RBFOX1: variants seen among roughly 807,000 people sequenced by gnomAD.
RBFOX1 encodes the protein RNA binding fox-1 homolog 1.
Under a neutral mutation model 57.7 loss-of-function variants are expected in RBFOX1, and 8 were observed. The ratio of observed to expected loss-of-function variants is 0.14; its 90% confidence interval spans 0.08 to 0.25. The LOEUF (loss-of-function observed/expected upper bound fraction) is 0.25. Ranked by LOEUF, RBFOX1 falls within the 10% of genes least tolerant of loss-of-function variation. RBFOX1 has a pLI of 1.00. For missense variants in RBFOX1, 611 were observed against 548.5 expected (o/e 1.11, Z -1.14); for synonymous variants, 326 against 222.4 (o/e 1.47, Z -4.15).
chr16:5,465,739 C>A (rs1341468974), intron 1 of RBFOX1, among the ~76,000 whole-genome samples: 1 of 152,188 alleles, frequency 6.6e-6, no homozygotes, highest in Non-Finnish European at 1.5e-5. Context: ...GGATGTTTTT[C>A]CATGGACCAG....
intron 1 of RBFOX1, among the ~76,000 whole-genome samples, chr16:6,291,484 C>G (rs564296540): frequency 1.3e-5 from 2 of 152,288 alleles, no homozygotes; most frequent in Non-Finnish European, 2.9e-5. Context: ...CTTGGGACCT[C>G]AAACTCACTA....
intron 2 of RBFOX1, among the ~76,000 whole-genome samples, chr16:6,506,533 C>G (rs2096095039): frequency 6.7e-6 from 1 of 150,184 alleles, no homozygotes; most frequent in African/African-American, 2.5e-5. Context: ...CATTTATAAA[C>G]TTGGGACATC....
In RBFOX1 at chr16:5,946,518, G is replaced by T. The variant is rs954013043; in HGVS notation, c.351+79183G>T. On this transcript the variant is annotated intron_variant, in intron 4 of 19. Transcript: ENST00000641259. This position sits in a 1 kb window ranked among gnomAD's most constrained non-coding sequence, Gnocchi z 4.6. The stretch of plus-strand genomic sequence containing the variant: ...TGGGGTGCCTGGAGAGGACATGGAA[G>T]TTCTACGCCCTTCCCCGTATCTCAC... Among the ~76,000 whole-genome samples, 2 of 151,978 alleles carry T rather than the reference G, an allele frequency of 1.3e-5. No homozygotes were observed. Among genetic ancestry groups the T allele is most frequent in the African/African-American group, 4.8e-5 (2 of 41,414 alleles).
chr16:6,895,063 C>A (rs1425149839), intron 3 of RBFOX1, among the ~76,000 whole-genome samples: 1 of 152,112 alleles, frequency 6.6e-6, no homozygotes, highest in African/African-American at 2.4e-5. Flanking sequence ...TAGATAAATA[C>A]ATCTTTAATA....
chr16:5,964,363 G>C (rs2059805091), intron 4 of RBFOX1, among the ~76,000 whole-genome samples: 1 of 152,044 alleles, frequency 6.6e-6, no homozygotes, highest in Non-Finnish European at 1.5e-5. Context: ...TAAAACTAGA[G>C]CTACCATATG....
At chr16:7,620,117 T>G (rs1350899934) in intron 10 of RBFOX1, among the ~76,000 whole-genome samples, 1 of 152,218 alleles carries the variant, frequency 6.6e-6, no homozygotes, top group African/African-American at 2.4e-5. Flanking sequence ...GCTATTTCCT[T>G]TCTGAAAACC....
intron 3 of RBFOX1, among the ~76,000 whole-genome samples, chr16:6,990,705 G>C (rs2091281595): frequency 6.6e-6 from 1 of 152,094 alleles, no homozygotes; most frequent in South Asian, 2.1e-4. Flanking sequence ...TAATAGTTGT[G>C]AATGTGAGCT....
intron 5 of RBFOX1, among the ~76,000 whole-genome samples, chr16:7,567,150 C>CCTATATATATATAT (rs2091893391): frequency 2.4e-5 from 1 of 40,988 alleles, no homozygotes; most frequent in African/African-American, 5.2e-5. Flanking sequence ...CATATATATC[C>CCTATATATATATAT]CTATATATAT....
chr16:7,353,077 C>G (rs1409441735), intron 4 of RBFOX1, among the ~76,000 whole-genome samples: 1 of 152,098 alleles, frequency 6.6e-6, no homozygotes, highest in African/African-American at 2.4e-5. Context: ...TAGTGGAACC[C>G]TAAAGCCATA....
At chr16:7,710,254 G>A (rs990850500) in intron 15 of RBFOX1, 6 of 1,080,750 alleles carry the variant, frequency 5.6e-6, no homozygotes, top group Non-Finnish European at 5.6e-6. Flanking sequence ...TAGTCCACAT[G>A]AGGAATGTGT....
At chr16:5,833,023 G>A (rs1003484493) in intron 3 of RBFOX1, among the ~76,000 whole-genome samples, 5 of 152,144 alleles carry the variant, frequency 3.3e-5, no homozygotes, top group African/African-American at 7.2e-5. Context: ...CCCCCAAAAT[G>A]CATAGGCACA....
At chr16:7,581,813 G>T (rs916194743) in intron 6 of RBFOX1, among the ~76,000 whole-genome samples, 1 of 151,928 alleles carries the variant, frequency 6.6e-6, no homozygotes, top group Admixed American at 6.6e-5. Context: ...TGGGCTCAAG[G>T]GATCCTCCCA....
intron 3 of RBFOX1, among the ~76,000 whole-genome samples, chr16:6,997,191 C>G (rs2092332278): frequency 6.6e-6 from 1 of 151,998 alleles, no homozygotes; most frequent in African/African-American, 2.4e-5. Context: ...AGCATTTTCC[C>G]CCAATAACTT....
intron 5 of RBFOX1, among the ~76,000 whole-genome samples, chr16:7,563,873 T>G (rs751512857): frequency 6.6e-6 from 1 of 152,188 alleles, no homozygotes; most frequent in African/African-American, 2.4e-5. Context: ...CACTTTCTGA[T>G]AAGCAGACAC....
intron 3 of RBFOX1, among the ~76,000 whole-genome samples, chr16:7,036,633 C>T (rs1453488030): frequency 6.6e-6 from 1 of 151,526 alleles, no homozygotes; most frequent in Non-Finnish European, 1.5e-5. Flanking sequence ...GCGGAGGTTG[C>T]AGTGAACCGA....
intron 1 of RBFOX1, among the ~76,000 whole-genome samples, chr16:5,294,837 C>A (rs571435437): frequency 9.7e-4 from 147 of 151,478 alleles, no homozygotes; most frequent in Middle Eastern, 3.4e-3. Context: ...TCAAGATCTG[C>A]CTGGCCAACA....
chr16:6,923,361 C>G (rs577973768), intron 3 of RBFOX1, among the ~76,000 whole-genome samples: 2 of 152,176 alleles, frequency 1.3e-5, no homozygotes, highest in East Asian at 1.9e-4. Context: ...TGGTGAAACC[C>G]CATCTCTACT....
At chr16:6,080,427 C>T (rs899305118) in intron 1 of RBFOX1, among the ~76,000 whole-genome samples, 20 of 152,186 alleles carry the variant, frequency 1.3e-4, no homozygotes, top group Non-Finnish European at 2.5e-4. Flanking sequence ...ACCACAGCTC[C>T]TGTTATGCAC....
intron 11 of RBFOX1, among the ~76,000 whole-genome samples, chr16:7,634,518 A>C (rs2061462664): frequency 6.6e-6 from 1 of 152,190 alleles, no homozygotes; most frequent in African/African-American, 2.4e-5. Flanking sequence ...TGTAATGAAA[A>C]TAATTCCTAC....
Sources: allele counts gnomAD v4.1 joint callset (sites outside exome capture counted in the v4.1 genomes callset), GRCh38; gene constraint gnomAD v4.1.1; non-coding constraint Gnocchi (gnomAD v3.1); transcripts MANE v1.5; gene names NCBI Gene and HGNC (gene_info 2026-07-23, HGNC 2026-07-21).